AASS: variants seen among roughly 807,000 people sequenced by gnomAD.
AASS encodes alpha-aminoadipic semialdehyde synthase, mitochondrial.
Under a neutral mutation model 105.4 loss-of-function variants are expected in AASS, and 86 were observed. That is an observed-to-expected ratio of 0.82 (90% CI 0.69 to 0.98). AASS has a LOEUF of 0.98. Ranked by LOEUF, AASS falls within the 50% of genes least tolerant of loss-of-function variation. The pLI is 0.00. For synonymous variants in AASS, 381 were observed against 394.8 expected (o/e 0.96, Z 0.41); for missense variants, 1,048 against 1,143.2 (o/e 0.92, Z 1.20).
Position 122,113,101 on chromosome 7 carries a change from A to G in AASS, c.1278+17T>C. 1 of 1,587,864 alleles carries G rather than the reference A, an allele frequency of 6.3e-7. No individual in the cohort carries two copies. Among genetic ancestry groups the G allele is most frequent in the Non-Finnish European group, 8.6e-7 (1 of 1,156,092 alleles). ...TTAAAGCCACAGAGTTGTTACTGAT[A>G]TTACCAGTCTGCTTACCATTTCTTC... On this transcript the variant is annotated intron_variant, in intron 11 of 23. Coordinates refer to ENST00000417368, the MANE Select transcript of AASS (RefSeq NM_005763.4).
In AASS at chr7:122,098,821, CA is replaced by C; in HGVS notation, c.1451del (p.Leu484TrpfsTer13). ...CAGATATGTAGCCAGATCCAAGAAC[CA>C]AAACCTTTCTCCTGGTGCCCATTGA... is the stretch of plus-strand genomic sequence containing the variant. ...SLSMGTRRKV[L>X]VLGSGYISEP... On this transcript the variant is annotated frameshift_variant, in exon 14 of 24. Coordinates refer to ENST00000417368, the MANE Select transcript of AASS (RefSeq NM_005763.4). LOFTEE classifies it high-confidence loss of function. 6.4e-7 allele frequency: 1 copy of C among 1,569,596 alleles called. No homozygotes were observed. The highest frequency in any genetic ancestry group is 8.6e-7 in the Non-Finnish European group (1 of 1,157,286).
At chr7:122,090,840 A>C (rs1793863864) in intron 18 of AASS, among the ~76,000 whole-genome samples, 1 of 152,080 alleles carries the variant, frequency 6.6e-6, no homozygotes, top group Non-Finnish European at 1.5e-5. Context: ...TAAAACTGTC[A>C]TACCATGAGT....
At chr7:122,128,228 C>T (rs956519153) in intron 3 of AASS, among the ~76,000 whole-genome samples, 1 of 152,206 alleles carries the variant, frequency 6.6e-6, no homozygotes, top group Admixed American at 6.5e-5. Context: ...CAGTCTAGAC[C>T]AGCCTAGGTT....
Position 122,129,549 on chromosome 7 carries a change from A to T in AASS, c.211-12T>A, listed in dbSNP as rs2150550270. ...GCTTTGACATAGTCCTGAAATTGTA[A>T]TTATGATTAAAGGTTATTATCCTGA... is the stretch of plus-strand genomic sequence containing the variant. On this transcript the variant is annotated splice_polypyrimidine_tract_variant and intron_variant, in intron 2 of 23. Transcript: ENST00000417368. 6.2e-7 allele frequency: 1 copy of T among 1,611,780 alleles called. No individual in the cohort carries two copies. Among genetic ancestry groups the T allele is most frequent in the East Asian group, 2.2e-5 (1 of 44,716 alleles).
intron 15 of AASS, among the ~76,000 whole-genome samples, chr7:122,095,938 TAA>T (rs1341319594): frequency 6.6e-6 from 1 of 152,182 alleles, no homozygotes; most frequent in Non-Finnish European, 1.5e-5. Flanking sequence ...AATAATATTT[TAA>T]AACTTTGGCC....
In AASS at chr7:122,129,357, T is replaced by C; in HGVS notation, c.387+4A>G. 1 of 1,578,962 alleles carries C rather than the reference T, an allele frequency of 6.3e-7. No individual in the cohort carries two copies. Among genetic ancestry groups the C allele is most frequent in the Non-Finnish European group, 8.6e-7 (1 of 1,158,294 alleles). Reference sequence around the variant, plus strand: ...AATATTTATAAATATTAATCACTAATTACCTGTTTTAGAATCTCATCCAAC... The same window carrying C: ...AATATTTATAAATATTAATCACTAACTACCTGTTTTAGAATCTCATCCAAC... On this transcript the variant is annotated splice_donor_region_variant and intron_variant, in intron 3 of 23. Transcript: ENST00000417368.
rs570496264 is a variant in AASS, at chr7:122,079,811, C to T, written c.2281-99G>A. 7.1e-5 allele frequency: 55 copies of T among 775,274 alleles called. No individual in the cohort carries two copies. The East Asian group carries it at 1.5e-3, about 21-fold the overall frequency. 48.0% of individuals were successfully genotyped at this position (775,274 alleles called of 1,614,324 possible). A position where few individuals can be genotyped will look rare whatever the true frequency, so the allele number is the denominator to read the frequency against. On this transcript the variant is annotated intron_variant, in intron 20 of 23. Transcript: ENST00000417368. ...ACTAAAACACTGAACTTCAAATACA[C>T]CTCAAATTTTAAAATTAAAAATAAT...
chr7:122,126,084 G>A (rs545721459), intron 4 of AASS, among the ~76,000 whole-genome samples: 55 of 151,900 alleles, frequency 3.6e-4, no homozygotes, highest in African/African-American at 9.7e-4. Flanking sequence ...TCTCATTACC[G>A]AACTGGTATC....
In AASS at chr7:122,074,453, T is replaced by G. The variant is rs1792909330; in HGVS notation, c.*2036A>C. Among the ~76,000 whole-genome samples the G allele has an allele frequency of 6.6e-6, 1 of 152,220 alleles. No individual in the cohort carries two copies. The highest frequency in any genetic ancestry group is 1.9e-4 in the East Asian group (1 of 5,200). Reference sequence around the variant, plus strand: ...GGGTTGTATTTTTGCTTTCTTGATATTGTCCTTGGAAACACAAATGGTTTT... The same window carrying G: ...GGGTTGTATTTTTGCTTTCTTGATAGTGTCCTTGGAAACACAAATGGTTTT... On this transcript the variant is annotated 3_prime_UTR_variant, in exon 24 of 24. Coordinates refer to ENST00000417368, the MANE Select transcript of AASS (RefSeq NM_005763.4).
Position 122,077,024 on chromosome 7 carries a change from G to C in AASS, c.2663-417C>G, listed in dbSNP as rs77304578. Among the ~76,000 whole-genome samples the C allele has an allele frequency of 4.2e-4, 64 of 152,276 alleles. No homozygotes were observed. The East Asian group carries it at 0.012, about 28-fold the overall frequency. On this transcript the variant is annotated intron_variant, in intron 23 of 23. Coordinates refer to ENST00000417368, the MANE Select transcript of AASS (RefSeq NM_005763.4). Reference sequence around the variant, plus strand: ...ATTATATGGGCACAGGCACCTGTTAGTATGACTGAAACACAGAACCTGGGC... The same window carrying C: ...ATTATATGGGCACAGGCACCTGTTACTATGACTGAAACACAGAACCTGGGC...
At chr7:122,140,703 CA>C (rs936517027) in intron 1 of AASS, among the ~76,000 whole-genome samples, 1 of 151,424 alleles carries the variant, frequency 6.6e-6, no homozygotes, top group African/African-American at 2.4e-5. Flanking sequence ...TGACTCAAAC[CA>C]AAACTATCAA....
intron 19 of AASS, among the ~76,000 whole-genome samples, chr7:122,084,983 A>G (rs1022431927): frequency 6.6e-6 from 1 of 152,160 alleles, no homozygotes; most frequent in Non-Finnish European, 1.5e-5. Flanking sequence ...ATGGGCATCC[A>G]CAGCCTCAGA....
At chr7:122,143,636 G>A (rs1796502475) in intron 1 of AASS, among the ~76,000 whole-genome samples, 1 of 151,814 alleles carries the variant, frequency 6.6e-6, no homozygotes, top group Non-Finnish European at 1.5e-5. Context: ...TGGACAAGGA[G>A]AGAAGTTTGT....
chr7:122,079,095 A>AAATAAC, intron 21 of AASS, 145 bp from the exon 22 acceptor site: 1 of 1,542,718 alleles, frequency 6.5e-7, no homozygotes, highest in East Asian at 2.4e-5. Context: ...CTAAAATGTA[A>AAATAAC]AATAACAATA....
chr7:122,079,772 T>A, intron 20 of AASS, 60 bp from the exon 21 acceptor site: 1 of 1,063,122 alleles, frequency 9.4e-7, no homozygotes, highest in Non-Finnish European at 1.4e-6. Context: ...TTTAATTGAC[T>A]GAAAAATTAT....
chr7:122,140,214 G>T (rs929333205), intron 1 of AASS, among the ~76,000 whole-genome samples: 3 of 151,756 alleles, frequency 2.0e-5, no homozygotes, highest in African/African-American at 7.3e-5. Flanking sequence ...GGCTGGGTGC[G>T]GTGGCTCACA....
intron 11 of AASS, among the ~76,000 whole-genome samples, chr7:122,104,204 T>C (rs988119529): frequency 3.3e-5 from 5 of 151,992 alleles, no homozygotes; most frequent in African/African-American, 1.2e-4. Flanking sequence ...CTATTCACAA[T>C]AGCAAAGTTA....
At chr7:122,097,620 C>T (rs1794224106) in intron 15 of AASS, among the ~76,000 whole-genome samples, 1 of 151,914 alleles carries the variant, frequency 6.6e-6, no homozygotes, top group Non-Finnish European at 1.5e-5. Context: ...TAAAGTGAAT[C>T]TCATGTAATT....
chr7:122,118,612 T>G lies in AASS; in HGVS notation c.491A>C (p.His164Pro). The G allele has an allele frequency of 6.2e-7, 1 of 1,613,906 alleles. No individual in the cohort carries two copies. The highest frequency in any genetic ancestry group is 8.5e-7 in the Non-Finnish European group (1 of 1,179,914). Reference sequence around the variant, plus strand: ...AGCAAGGAGCCTTAAACCCATTCCATGTAAAATGTTGATCATTCCTGTTAC... The same window carrying G: ...AGCAAGGAGCCTTAAACCCATTCCAGGTAAAATGTTGATCATTCCTGTTAC... ...AGVAGMINIL[H>P]GMGLRLLALG... is the part of the protein sequence containing the mutation. Residue 164 changes from histidine to proline, a missense_variant, in exon 5 of 24, where the codon CAT becomes CCT. By Grantham distance (77) the His-to-Pro change is moderately conservative (BLOSUM62 -2). Transcript: ENST00000417368.
Sources: gnomAD v4.1 joint callset for allele counts (sites outside exome capture counted in the v4.1 genomes callset) on GRCh38, gnomAD v4.1.1 for gene constraint, MANE v1.5 for transcripts, NCBI Gene and HGNC (gene_info 2026-07-23, HGNC 2026-07-21) for gene names.